RAB5A: variants seen among roughly 807,000 people sequenced by gnomAD.
The protein encoded by RAB5A is ras-related protein Rab-5A.
RAB5A carries 8 observed loss-of-function variants against 25.7 expected under a neutral mutation model. That is an observed-to-expected ratio of 0.31 (90% confidence interval 0.18 to 0.56). The LOEUF (loss-of-function observed/expected upper bound fraction) is 0.56. Among genes scored for constraint, RAB5A ranks in the 20% least tolerant of loss-of-function variants. The pLI is 0.91. For missense variants in RAB5A, 192 were observed against 259.7 expected (o/e 0.74, Z 1.79); for synonymous variants, 98 against 89.8 (o/e 1.09, Z -0.52).
chr3:19,955,537 T>G (rs774462235), intron 2 of RAB5A, among the ~76,000 whole-genome samples: 2 of 152,194 alleles, frequency 1.3e-5, no homozygotes, highest in Non-Finnish European at 1.5e-5. Flanking sequence ...GTACTAACAT[T>G]GATTCACCCA....
chr3:19,978,403 G>A lies in RAB5A; in HGVS notation c.532G>A (p.Ala178Thr). The change falls in exon 5 of 6, where the codon GCT (alanine) becomes ACT (threonine). Residue 178 changes from alanine to threonine, a missense_variant and splice_region_variant. Ala to Thr is a moderately conservative substitution (Grantham distance 58, BLOSUM62 0). This residue lies in a region of RAB5A where 121 missense variants were observed against 135.7 expected (regional missense o/e 0.89). Transcript: ENST00000273047. ...TGTAAATGAAATATTCATGGCAATA[G>A]GTAAGATTAATATCTCTTTTTAAAT... is the stretch of plus-strand genomic sequence containing the variant. Reference protein sequence around the residue: ...MNVNEIFMAIAKKLPKNEPQN... With the variant: ...MNVNEIFMAITKKLPKNEPQN... 1 of 1,560,212 alleles carries A rather than the reference G, an allele frequency of 6.4e-7. No homozygotes were observed. Among genetic ancestry groups the A allele is most frequent in the South Asian group, 1.1e-5 (1 of 89,670 alleles).
At chr3:19,981,490 TG>T (rs1559493795) in intron 5 of RAB5A, among the ~76,000 whole-genome samples, 1 of 152,050 alleles carries the variant, frequency 6.6e-6, no homozygotes, top group Non-Finnish European at 1.5e-5. Flanking sequence ...GGTATGTGCC[TG>T]TAGTCCCAGC....
chr3:19,978,540 A>C, intron 5 of RAB5A, 137 bp downstream of exon 5: 1 of 597,036 alleles, frequency 1.7e-6, no homozygotes, highest in South Asian at 2.2e-5. Context: ...TGAGAGAGAG[A>C]GAGAGATTAT....
chr3:19,975,621 G>A lies in RAB5A; in HGVS notation c.184G>A (p.Val62Ile), dbSNP rs372972286. ...TTCAGCTGCTTTTCTAACCCAAACTGTATGTCTTGATGACACTACAGTAAA... is the reference window on the plus strand; with the variant it reads ...TTCAGCTGCTTTTCTAACCCAAACTATATGTCTTGATGACACTACAGTAAA... ...TIGAAFLTQT[V>I]CLDDTTVKFE... is the part of the protein sequence containing the mutation. The change falls in exon 3 of 6, where the codon GTA becomes ATA. Residue 62 changes from valine to isoleucine, a missense_variant. Val to Ile is a conservative substitution (Grantham distance 29). This residue lies in a region of RAB5A where 39 missense variants were observed against 91.6 expected (regional missense o/e 0.43). Coordinates refer to ENST00000273047, the MANE Select transcript of RAB5A (RefSeq NM_004162.5). The A allele has an allele frequency of 3.1e-6, 5 of 1,612,906 alleles. No homozygotes were observed. Among genetic ancestry groups the A allele is most frequent in the Non-Finnish European group, 4.2e-6 (5 of 1,179,666 alleles).
chr3:19,975,756 A>C lies in RAB5A; in HGVS notation c.315+4A>C. The C allele has an allele frequency of 2.5e-6, 4 of 1,604,006 alleles. No individual in the cohort carries two copies. Among genetic ancestry groups the C allele is most frequent in the Non-Finnish European group, 2.6e-6 (3 of 1,175,814 alleles). On this transcript the variant is annotated splice_donor_region_variant and intron_variant, in intron 3 of 5. Coordinates refer to ENST00000273047, the MANE Select transcript of RAB5A (RefSeq NM_004162.5). ...TGTATATGATATCACAAATGAGGTA[A>C]GTATGGATGCATTCCACAGTAAAAC... is the stretch of plus-strand genomic sequence containing the variant.
At chr3:19,954,037 C>T (rs149859858) in intron 2 of RAB5A, among the ~76,000 whole-genome samples, 15 of 151,990 alleles carry the variant, frequency 9.9e-5, no homozygotes, top group Admixed American at 4.6e-4. Flanking sequence ...TTTTTTGAGA[C>T]GGAATTTCAC....
chr3:19,969,031 G>GTGTTTTTT (rs1559490064), intron 2 of RAB5A, among the ~76,000 whole-genome samples: 1 of 99,702 alleles, frequency 1.0e-5, no homozygotes, highest in Non-Finnish European at 1.9e-5. Context: ...TTTGGTTTTG[G>GTGTTTTTT]TTTTTTTTTT....
chr3:19,949,914 T>TGTA (rs1371219467), intron 1 of RAB5A, among the ~76,000 whole-genome samples: 21 of 152,142 alleles, frequency 1.4e-4, no homozygotes, highest in Non-Finnish European at 2.9e-5. Context: ...TCTGAGCGCC[T>TGTA]GTAGTCTCAG....
At chr3:19,981,023 A>G (rs1696915484) in intron 5 of RAB5A, among the ~76,000 whole-genome samples, 2 of 152,246 alleles carry the variant, frequency 1.3e-5, no homozygotes, top group Admixed American at 1.3e-4. Flanking sequence ...AGTCAAAGCT[A>G]TGGTAAAGTT....
At chr3:19,951,434 AG>A (rs1472480780) in intron 2 of RAB5A, among the ~76,000 whole-genome samples, 2 of 152,240 alleles carry the variant, frequency 1.3e-5, no homozygotes, top group African/African-American at 4.8e-5. Context: ...ATAGTAAAAA[AG>A]GTAACCTTAA....
At chr3:19,965,448 G>A (rs1185844835) in intron 2 of RAB5A, among the ~76,000 whole-genome samples, 1 of 151,484 alleles carries the variant, frequency 6.6e-6, no homozygotes, top group African/African-American at 2.4e-5. Context: ...TTAGGGCGAC[G>A]ATGTTCAGCT....
chr3:19,966,809 G>A lies in RAB5A; in HGVS notation c.164-8792G>A, dbSNP rs78639025. Among the ~76,000 whole-genome samples the A allele has an allele frequency of 3.9e-3, 597 of 152,068 alleles. 26 individuals carry two copies. In the South Asian group the frequency reaches 0.079, roughly 20 times the overall value. On this transcript the variant is annotated intron_variant, in intron 2 of 5. Transcript: ENST00000273047. ...GCTTATTGGATTTATTTATTTATTT[G>A]TTTCGGTTTTTTTGAAATAGGGTCT...
At chr3:19,952,662 T>G (rs1042767305) in intron 2 of RAB5A, among the ~76,000 whole-genome samples, 1 of 150,362 alleles carries the variant, frequency 6.7e-6, no homozygotes, top group African/African-American at 2.5e-5. Flanking sequence ...TGGCTGAGCA[T>G]CAGAAAGCAT....
At chr3:19,954,206 G>A (rs529929914) in intron 2 of RAB5A, among the ~76,000 whole-genome samples, 2 of 152,160 alleles carry the variant, frequency 1.3e-5, no homozygotes, top group African/African-American at 4.8e-5. Flanking sequence ...GTAGAGACAG[G>A]GTTTTGCCAT....
At chr3:19,951,427 G>C (rs547925566) in intron 2 of RAB5A, among the ~76,000 whole-genome samples, 81 of 152,244 alleles carry the variant, frequency 5.3e-4, no homozygotes, top group African/African-American at 1.9e-3. Flanking sequence ...AAAATGAATA[G>C]TAAAAAAGGT....
intron 2 of RAB5A, among the ~76,000 whole-genome samples, chr3:19,967,589 TA>T (rs1400247849): frequency 1.3e-5 from 2 of 152,190 alleles, no homozygotes; most frequent in Admixed American, 1.3e-4. Flanking sequence ...GATCACCTCT[TA>T]AGATGGATTA....
intron 3 of RAB5A, 92 bp from the exon 4 acceptor site, chr3:19,975,955 A>T: frequency 6.8e-7 from 1 of 1,480,772 alleles, no homozygotes; most frequent in Non-Finnish European, 9.1e-7. Context: ...TCCCACAGTC[A>T]CTTGGGACAG....
At chr3:19,966,442 T>C (rs539329976) in intron 2 of RAB5A, among the ~76,000 whole-genome samples, 1 of 152,246 alleles carries the variant, frequency 6.6e-6, no homozygotes, top group Non-Finnish European at 1.5e-5. Context: ...TGTCCATCAT[T>C]GGACACTTAG....
At chr3:19,953,755 C>G (rs969574255) in intron 2 of RAB5A, among the ~76,000 whole-genome samples, 3 of 152,106 alleles carry the variant, frequency 2.0e-5, no homozygotes, top group Non-Finnish European at 4.4e-5. Flanking sequence ...GTGCTGACCC[C>G]ATGTGAATAC....
Sources: allele counts gnomAD v4.1 joint callset (sites outside exome capture counted in the v4.1 genomes callset), GRCh38; gene constraint gnomAD v4.1.1; regional missense constraint gnomAD v4.1.1; transcripts MANE v1.5; gene names NCBI Gene and HGNC (gene_info 2026-07-23, HGNC 2026-07-21).